HGSNAT: variants seen among roughly 807,000 people sequenced by gnomAD.
HGSNAT encodes heparan-alpha-glucosaminide N-acetyltransferase.
HGSNAT carries 59 observed loss-of-function variants against 85.2 expected under a neutral mutation model. The ratio of observed to expected loss-of-function variants is 0.69; its 90% CI spans 0.56 to 0.86. The LOEUF (loss-of-function observed/expected upper bound fraction) is 0.86. Ranked by LOEUF, HGSNAT falls within the 40% of genes least tolerant of loss-of-function variation. The probability of loss-of-function intolerance (pLI) is 0.00; values close to 1 mark genes in which losing one functional copy is unlikely to be tolerated. For synonymous variants in HGSNAT, 321 were observed against 304.5 expected (o/e 1.05, Z -0.56); for missense variants, 756 against 777.1 (o/e 0.97, Z 0.32).
Position 43,172,316 on chromosome 8 carries a change from T to C in HGSNAT, c.750T>C (p.Ala250=). The change falls in exon 8 of 18, where the codon GCT becomes GCC. Residue 250 remains alanine, a synonymous_variant. Transcript: ENST00000379644. ...CTTTGTTGGCTTCTTCTAGGATTGC[T>C]CTTATACTCATGGTCTTTGTCAATT... The part of the protein sequence containing the change: ...LRSVDTFRGI[A]LILMVFVNYG... 1.2e-6 allele frequency: 2 copies of C among 1,610,682 alleles called. No homozygotes were observed. The highest frequency in any genetic ancestry group is 1.1e-5 in the South Asian group (1 of 91,016).
chr8:43,166,375 T>A (rs1387819296), intron 5 of HGSNAT, among the ~76,000 whole-genome samples: 1 of 152,218 alleles, frequency 6.6e-6, no homozygotes, highest in African/African-American at 2.4e-5. Context: ...CAGGACAGGC[T>A]GACTCTCTTG....
Position 43,169,749 on chromosome 8 carries a change from A to G in HGSNAT, c.633+507A>G, listed in dbSNP as rs540083702. The stretch of plus-strand genomic sequence containing the variant: ...ACTGGCAAACTCAGTAAAAGGCAGG[A>G]AAAGCTGATAAAGTACAAAACCAGA... On this transcript the variant is annotated intron_variant, in intron 6 of 17. Transcript: ENST00000379644. 5.9e-5 allele frequency among the ~76,000 whole-genome samples: 9 copies of G among 152,364 alleles called. No individual in the cohort carries two copies. In the South Asian group the frequency reaches 1.9e-3, roughly 32 times the overall value.
In HGSNAT at chr8:43,187,975, C is replaced by G. The variant is rs189681404; in HGVS notation, c.1129-3499C>G. On this transcript the variant is annotated intron_variant, in intron 11 of 17. Transcript: ENST00000379644. Reference sequence around the variant, plus strand: ...TAAGAATGTTGGATATTGGCCCCCACTGTCTTGTGGCTTGTAGAGTTTCTG... The same window carrying G: ...TAAGAATGTTGGATATTGGCCCCCAGTGTCTTGTGGCTTGTAGAGTTTCTG... 3.1e-3 allele frequency among the ~76,000 whole-genome samples: 465 copies of G among 152,352 alleles called. 1 individual carries two copies. The highest frequency in any genetic ancestry group is 3.8e-3 in the Non-Finnish European group (261 of 68,040).
chr8:43,186,539 T>C (rs1251305617), intron 11 of HGSNAT, among the ~76,000 whole-genome samples: 4 of 152,196 alleles, frequency 2.6e-5, no homozygotes, highest in African/African-American at 7.2e-5. Context: ...TTTTCTTCTT[T>C]ATTAGTCTTG....
At chr8:43,156,864 A>G (rs566821824) in intron 2 of HGSNAT, among the ~76,000 whole-genome samples, 99 of 152,154 alleles carry the variant, frequency 6.5e-4, no homozygotes, top group African/African-American at 2.2e-3. Context: ...CCATTTTCAT[A>G]GAATACCTTT....
At position 43,201,540 on chromosome 8, in the gene HGSNAT, T is replaced by G. The variant is rs1481890115; in HGVS notation, c.*1971T>G. The G allele has an allele frequency of 6.6e-6, 1 of 152,280 alleles. No individual in the cohort carries two copies. Among genetic ancestry groups the G allele is most frequent in the African/African-American group, 2.4e-5 (1 of 41,464 alleles). The allele number at this position is 152,280 out of a possible 1,614,324, so 9.4% of individuals were successfully genotyped here. A position where few individuals can be genotyped will look rare whatever the true frequency, so the allele number is the denominator to read the frequency against. Reference sequence around the variant, plus strand: ...TTTCCTATCTACATTTGATCTGTCATGTTTAAACCCCCTACTTCTAAGGGA... The same window carrying G: ...TTTCCTATCTACATTTGATCTGTCAGGTTTAAACCCCCTACTTCTAAGGGA... On this transcript the variant is annotated 3_prime_UTR_variant, in exon 18 of 18. Transcript: ENST00000379644. This position sits in a 1 kb window ranked among gnomAD's most constrained non-coding sequence, Gnocchi z 4.4.
intron 12 of HGSNAT, 140 bp downstream of exon 12, chr8:43,191,735 G>A (rs1460099247): frequency 1.8e-6 from 2 of 1,089,572 alleles, no homozygotes. Flanking sequence ...CATGGGGAGA[G>A]GAGATTGGCA....
chr8:43,190,768 G>A (rs893796176), intron 11 of HGSNAT, among the ~76,000 whole-genome samples: 4 of 151,850 alleles, frequency 2.6e-5, no homozygotes, highest in Admixed American at 2.6e-4. Context: ...TATAATTTAC[G>A]TACCATAAAA....
chr8:43,192,117 G>A (rs186167085), intron 12 of HGSNAT, among the ~76,000 whole-genome samples, 187 bp from the exon 13 acceptor site: 1 of 152,074 alleles, frequency 6.6e-6, no homozygotes, highest in East Asian at 1.9e-4. Flanking sequence ...TAATAGAGAC[G>A]GGGTTTCACC....
chr8:43,144,821 G>T (rs989797618), intron 1 of HGSNAT, among the ~76,000 whole-genome samples: 1 of 152,202 alleles, frequency 6.6e-6, no homozygotes, highest in African/African-American at 2.4e-5. Context: ...TTTACAGAAA[G>T]AGAGGTTAGG....
At chr8:43,190,863 T>G (rs1665883141) in intron 11 of HGSNAT, among the ~76,000 whole-genome samples, 2 of 152,156 alleles carry the variant, frequency 1.3e-5, no homozygotes, top group African/African-American at 4.8e-5. Flanking sequence ...TCTGGAAGGT[T>G]TTCCTTACCC....
At chr8:43,164,048 A>G (rs778080698) in intron 5 of HGSNAT, among the ~76,000 whole-genome samples, 1 of 152,248 alleles carries the variant, frequency 6.6e-6, no homozygotes, top group Non-Finnish European at 1.5e-5. Context: ...ATTACTGCTA[A>G]CATTTAAAAA....
chr8:43,197,119 T>C lies in HGSNAT; in HGVS notation c.1542+94T>C, dbSNP rs1804751815. On this transcript the variant is annotated intron_variant, in intron 15 of 17. Transcript: ENST00000379644. The stretch of plus-strand genomic sequence containing the variant: ...TGTTTAGCAACACTGAGCTAGCCAT[T>C]GTCACCACATGGCAGCAGGTACCAT... The C allele has an allele frequency of 1.0e-5, 8 of 798,598 alleles. No individual in the cohort carries two copies. In the East Asian group the frequency reaches 1.1e-4, roughly 11 times the overall value. The allele number at this position is 798,598 out of a possible 1,614,324, so 49.5% of individuals were successfully genotyped here.
chr8:43,175,846 C>T (rs545510245), intron 9 of HGSNAT, among the ~76,000 whole-genome samples: 25 of 152,116 alleles, frequency 1.6e-4, no homozygotes, highest in Admixed American at 5.9e-4. Context: ...GGATTACAGG[C>T]GTGAGCCACC....
At chr8:43,193,244 G>C (rs558409000) in intron 13 of HGSNAT, among the ~76,000 whole-genome samples, 2 of 152,312 alleles carry the variant, frequency 1.3e-5, no homozygotes, top group East Asian at 1.9e-4. Context: ...GGCTCTGAGG[G>C]TGTGTGACAG....
chr8:43,178,883 C>T (rs1257371193), intron 10 of HGSNAT, among the ~76,000 whole-genome samples: 1 of 147,938 alleles, frequency 6.8e-6, no homozygotes. Flanking sequence ...ATCCATTTAA[C>T]CCTGAGTGGA....
chr8:43,196,342 G>A, intron 14 of HGSNAT: 4 of 528,512 alleles, frequency 7.6e-6, no homozygotes, highest in South Asian at 6.5e-5. Flanking sequence ...GGGATTGTAT[G>A]TGAAGTCCAT....
intron 10 of HGSNAT, among the ~76,000 whole-genome samples, chr8:43,179,561 G>T (rs1359119606): frequency 1.6e-5 from 2 of 122,958 alleles, no homozygotes; most frequent in Non-Finnish European, 3.4e-5. Context: ...CCTCCCGGAC[G>T]GGGCGGCTGG....
In HGSNAT at chr8:43,197,699, G is replaced by A; in HGVS notation, c.1570G>A (p.Val524Ile). ...GCTCATTTCTGTTGCTCTGACGAAG[G>A]TTTCTGAAAATGAAGGCTTTATTCC... ...LGLISVALTK[V>I]SENEGFIPVN... Residue 524 changes from valine to isoleucine, a missense_variant, in exon 16 of 18, where the codon GTT becomes ATT. Val to Ile is a conservative substitution (Grantham distance 29). Coordinates refer to ENST00000379644, the MANE Select transcript of HGSNAT (RefSeq NM_152419.3). 2 of 1,613,354 alleles carry A rather than the reference G, an allele frequency of 1.2e-6. No individual in the cohort carries two copies. Among genetic ancestry groups the A allele is most frequent in the South Asian group, 2.2e-5 (2 of 91,070 alleles).
Sources: gnomAD v4.1 joint callset for allele counts (sites outside exome capture counted in the v4.1 genomes callset) on GRCh38, gnomAD v4.1.1 for gene constraint, Gnocchi (gnomAD v3.1) non-coding constraint, MANE v1.5 for transcripts, NCBI Gene and HGNC (gene_info 2026-07-23, HGNC 2026-07-21) for gene names.